The following LRRTM4 variants were observed in gnomAD, a reference collection of about 807,000 sequenced individuals.
LRRTM4 encodes the protein leucine-rich repeat transmembrane neuronal protein 4.
In LRRTM4, 25 loss-of-function variants were observed where a neutral mutation model predicts 47.6. The ratio of observed to expected loss-of-function variants is 0.53; its 90% CI spans 0.38 to 0.73. The LOEUF (loss-of-function observed/expected upper bound fraction) is 0.73. Among genes scored for constraint, LRRTM4 ranks in the 30% least tolerant of loss-of-function variants. The pLI is 0.00. For missense variants in LRRTM4, 638 were observed against 713.4 expected (o/e 0.89, Z 1.20); for synonymous variants, 311 against 269.5 (o/e 1.15, Z -1.51).
intron 3 of LRRTM4, among the ~76,000 whole-genome samples, chr2:77,149,997 T>G (rs1249448292): frequency 1.3e-5 from 2 of 152,186 alleles, no homozygotes; most frequent in African/African-American, 2.4e-5. Context: ...TGAAAATGTG[T>G]ACTTATTCCT....
intron 3 of LRRTM4, among the ~76,000 whole-genome samples, chr2:77,438,988 T>C (rs1399233370): frequency 1.3e-5 from 2 of 152,120 alleles, no homozygotes; most frequent in Non-Finnish European, 2.9e-5. Flanking sequence ...ATCCTGCCAA[T>C]TAGAAAGTTA....
intron 3 of LRRTM4, among the ~76,000 whole-genome samples, chr2:76,801,904 T>G (rs117124637): frequency 2.6e-5 from 4 of 152,110 alleles, no homozygotes; most frequent in Admixed American, 2.0e-4. Flanking sequence ...CAGAAATGCA[T>G]TGGACAAAAT....
At chr2:77,008,170 T>G (rs1677730546) in intron 3 of LRRTM4, among the ~76,000 whole-genome samples, 1 of 152,170 alleles carries the variant, frequency 6.6e-6, no homozygotes. Flanking sequence ...TGTTGTGTGG[T>G]ATTAGCATAT....
chr2:76,754,141 G>A lies in LRRTM4; in HGVS notation c.1552-5225C>T, dbSNP rs1008017151. Among the ~76,000 whole-genome samples the A allele has an allele frequency of 3.3e-5, 5 of 152,200 alleles. No homozygotes were observed. In the East Asian group the frequency reaches 9.7e-4, roughly 29 times the overall value. ...GTACCACTATATAAATCCAGATAAA[G>A]AATTCAATGCAGTTGAATTGCTTAA... On this transcript the variant is annotated intron_variant, in intron 3 of 3. Transcript: ENST00000409884.
At chr2:76,814,094 A>G (rs1035339664) in intron 3 of LRRTM4, among the ~76,000 whole-genome samples, 17 of 152,206 alleles carry the variant, frequency 1.1e-4, no homozygotes, top group Middle Eastern at 6.8e-3. Flanking sequence ...ATTTTTCAAC[A>G]TGCCCTCAAT....
intron 3 of LRRTM4, among the ~76,000 whole-genome samples, chr2:77,278,783 T>G (rs920373844): frequency 3.3e-5 from 5 of 151,984 alleles, no homozygotes; most frequent in Non-Finnish European, 7.4e-5. Context: ...ATGTGGACTC[T>G]ACCACTTTCT....
chr2:77,087,395 ATTTGAT>A (rs1486841435), intron 3 of LRRTM4, among the ~76,000 whole-genome samples: 3 of 152,380 alleles, frequency 2.0e-5, no homozygotes, highest in African/African-American at 4.8e-5. Flanking sequence ...GCAGTTAAGA[ATTTGAT>A]TTTATGATTT....
intron 3 of LRRTM4, among the ~76,000 whole-genome samples, chr2:76,782,964 T>G (rs1674481343): frequency 6.6e-6 from 1 of 152,222 alleles, no homozygotes; most frequent in South Asian, 2.1e-4. Context: ...TCAAAGATTG[T>G]AGATTTCTTA....
At chr2:77,238,479 G>T (rs1433614668) in intron 3 of LRRTM4, among the ~76,000 whole-genome samples, 2 of 151,914 alleles carry the variant, frequency 1.3e-5, no homozygotes, top group Non-Finnish European at 2.9e-5. Context: ...ATACACAAAT[G>T]AGGATTAGAA....
At chr2:77,495,313 C>T (rs1328777234) in intron 3 of LRRTM4, among the ~76,000 whole-genome samples, 2 of 151,966 alleles carry the variant, frequency 1.3e-5, no homozygotes, top group African/African-American at 4.8e-5. Flanking sequence ...CTTGATCTGT[C>T]ATTTTTATTT....
At chr2:76,991,008 A>C (rs1230665485) in intron 3 of LRRTM4, among the ~76,000 whole-genome samples, 1 of 151,746 alleles carries the variant, frequency 6.6e-6, no homozygotes, top group Non-Finnish European at 1.5e-5. Flanking sequence ...TGTAAACCAC[A>C]CAGTTACATG....
intron 3 of LRRTM4, among the ~76,000 whole-genome samples, chr2:77,508,412 C>T (rs967858413): frequency 2.6e-5 from 4 of 152,234 alleles, no homozygotes; most frequent in African/African-American, 9.6e-5. Context: ...GAATCCAAGC[C>T]GTGTTATTTC....
chr2:76,872,626 T>C (rs763766572), intron 3 of LRRTM4, among the ~76,000 whole-genome samples: 10 of 152,024 alleles, frequency 6.6e-5, no homozygotes, highest in Non-Finnish European at 1.2e-4. Context: ...TTCCTAAGTT[T>C]GGCTGCTAAC....
In LRRTM4 at chr2:76,779,938, C is replaced by T. The variant is rs1674267547; in HGVS notation, c.1552-31022G>A. 2.6e-5 allele frequency among the ~76,000 whole-genome samples: 4 copies of T among 151,834 alleles called. No individual in the cohort carries two copies. In the South Asian group the frequency reaches 6.2e-4, roughly 24 times the overall value. ...CCATGTTTAGTGCTTCCTTCAGGAG[C>T]TCTTGTAAGGCAGGCCTGGTGGTGA... On this transcript the variant is annotated intron_variant, in intron 3 of 3. Coordinates refer to ENST00000409884, the MANE Select transcript of LRRTM4 (RefSeq NM_001134745.3).
chr2:76,820,755 G>C (rs1283901467), intron 3 of LRRTM4, among the ~76,000 whole-genome samples: 6 of 151,722 alleles, frequency 4.0e-5, no homozygotes, highest in Non-Finnish European at 4.4e-5. Context: ...CATCAAGCTG[G>C]TAATACTGAT....
intron 3 of LRRTM4, among the ~76,000 whole-genome samples, chr2:77,045,901 C>T (rs1035052529): frequency 2.6e-5 from 4 of 151,890 alleles, no homozygotes; most frequent in African/African-American, 9.7e-5. Context: ...GTTTTTTACA[C>T]TTGGTTTGAA....
At chr2:77,454,297 C>T (rs1002329834) in intron 3 of LRRTM4, among the ~76,000 whole-genome samples, 1 of 152,196 alleles carries the variant, frequency 6.6e-6, no homozygotes, top group African/African-American at 2.4e-5. Flanking sequence ...AACTTCTGCA[C>T]TCTATCCAGG....
At chr2:77,154,542 A>G (rs1269903031) in intron 3 of LRRTM4, among the ~76,000 whole-genome samples, 1 of 152,192 alleles carries the variant, frequency 6.6e-6, no homozygotes, top group Non-Finnish European at 1.5e-5. Context: ...ATATTAGTAA[A>G]GTATTTATAG....
intron 3 of LRRTM4, among the ~76,000 whole-genome samples, chr2:76,782,376 GAGA>G (rs1442641651): frequency 6.6e-6 from 1 of 152,110 alleles, no homozygotes; most frequent in African/African-American, 2.4e-5. Context: ...CTTTGCTTGG[GAGA>G]AGTTCCAGTA....
Sources: gnomAD v4.1 joint callset for allele counts (sites outside exome capture counted in the v4.1 genomes callset) on GRCh38, gnomAD v4.1.1 for gene constraint, MANE v1.5 for transcripts, NCBI Gene and HGNC (gene_info 2026-07-23, HGNC 2026-07-21) for gene names.